The following SLC14A2 variants were observed in gnomAD, a reference collection of about 807,000 sequenced individuals.
SLC14A2 encodes solute carrier family 14 member 2.
Under a neutral mutation model 104.6 loss-of-function variants are expected in SLC14A2, and 91 were observed. The observed-to-expected ratio is 0.87, with a 90% confidence interval of 0.73 to 1.04. The LOEUF is 1.04. Ranked by LOEUF, SLC14A2 falls within the 50% of genes least tolerant of loss-of-function variation. The probability of loss-of-function intolerance (pLI) is 0.00; values close to 1 mark genes in which losing one functional copy is unlikely to be tolerated. For missense variants in SLC14A2, 1,189 were observed against 1,156.0 expected, an observed-to-expected ratio of 1.03 and a Z score of -0.41; for synonymous variants, 476 against 466.4, an observed-to-expected ratio of 1.02 and a Z score of -0.27.
intron 1 of SLC14A2, among the ~76,000 whole-genome samples, chr18:45,391,588 T>TTG (rs1357358876): frequency 6.6e-6 from 1 of 152,178 alleles, no homozygotes; most frequent in Non-Finnish European, 1.5e-5. Flanking sequence ...CCAGCACCTG[T>TTG]TGTTTCCTGA....
At chr18:45,334,396 A>G (rs563322619) in intron 1 of SLC14A2, among the ~76,000 whole-genome samples, 3 of 152,326 alleles carry the variant, frequency 2.0e-5, no homozygotes, top group South Asian at 2.1e-4. Flanking sequence ...TGACAGCCAC[A>G]TATATTCCTC....
the SLC14A2 span, among the ~76,000 whole-genome samples, chr18:45,173,456 A>G: frequency 1.3e-5 from 2 of 151,982 alleles, no homozygotes; most frequent in African/African-American, 2.4e-5. Context: ...AGATTGCCTG[A>G]AAATTTCTCT....
intron 19 of SLC14A2, 55 bp downstream of exon 19, chr18:45,679,079 G>A: frequency 1.3e-6 from 2 of 1,547,776 alleles, no homozygotes; most frequent in Non-Finnish European, 1.8e-6. Context: ...GTGTCCTCTT[G>A]GCTTCCCCAA....
chr18:45,668,430 C>G lies in SLC14A2; in HGVS notation c.1989C>G (p.Asp663Glu). 2 of 1,614,130 alleles carry G rather than the reference C, an allele frequency of 1.2e-6. No homozygotes were observed. The highest frequency in any genetic ancestry group is 1.7e-6 in the Non-Finnish European group (2 of 1,179,992). Reference sequence around the variant, plus strand: ...TGGCCGTGTTCTCAGACAAAGGTGACTACTACTGGTGGCTGTTGCTACCCG... The same window carrying G: ...TGGCCGTGTTCTCAGACAAAGGTGAGTACTACTGGTGGCTGTTGCTACCCG... ...LLMAVFSDKGDYYWWLLLPVI... is the reference protein window; with the variant it reads ...LLMAVFSDKGEYYWWLLLPVI... Residue 663 changes from aspartate (D) to glutamate (E), a missense_variant, in exon 15 of 20, where the codon GAC becomes GAG. By Grantham distance (45) the Asp-to-Glu change is conservative. Transcript: ENST00000255226.
chr18:45,497,385 C>G (rs2043116738), intron 2 of SLC14A2, among the ~76,000 whole-genome samples: 1 of 152,166 alleles, frequency 6.6e-6, no homozygotes. Context: ...CGTTTCTTAT[C>G]CTGTGTGGGG....
At position 45,529,139 on chromosome 18, in the gene SLC14A2, C is replaced by A. The variant is rs1182172966; in HGVS notation, c.-35+45817C>A. On this transcript the variant is annotated intron_variant, in intron 2 of 20. Coordinates refer to the SLC14A2 transcript ENST00000586448. ...GAGCCCTGCTCAAATTGCTGACTTG[C>A]AGAATCATGAGAAAAACGTAGTTTG... 3.3e-5 allele frequency: 5 copies of A among 152,310 alleles called. 1 individual carries two copies. In the East Asian group the frequency reaches 9.7e-4, roughly 29 times the overall value. The allele number at this position is 152,310 out of a possible 1,614,324, so 9.4% of individuals were successfully genotyped here. A position where few individuals can be genotyped will look rare whatever the true frequency, so the allele number is the denominator to read the frequency against.
At chr18:45,196,684 A>G in the SLC14A2 span, among the ~76,000 whole-genome samples, 1 of 152,200 alleles carries the variant, frequency 6.6e-6, no homozygotes, top group Admixed American at 6.5e-5. Context: ...AGGAAGCCCA[A>G]GCCAGAAGAG....
At chr18:45,640,490 C>T (rs552019519) in intron 7 of SLC14A2, among the ~76,000 whole-genome samples, 1 of 152,258 alleles carries the variant, frequency 6.6e-6, no homozygotes, top group Non-Finnish European at 1.5e-5. Flanking sequence ...TGCCACTTAA[C>T]AAATGTGCTT....
the SLC14A2 span, among the ~76,000 whole-genome samples, chr18:45,204,060 G>C: frequency 6.6e-6 from 1 of 152,142 alleles, no homozygotes; most frequent in Non-Finnish European, 1.5e-5. Flanking sequence ...TATGCACATA[G>C]AATATATGAT....
chr18:45,491,746 C>T (rs1249989377), intron 2 of SLC14A2, among the ~76,000 whole-genome samples: 2 of 152,174 alleles, frequency 1.3e-5, no homozygotes, highest in African/African-American at 4.8e-5. Context: ...TTGAAAATTA[C>T]TTGGCTGTGG....
chr18:45,581,309 G>C (rs2044488456), intron 2 of SLC14A2, among the ~76,000 whole-genome samples: 1 of 152,208 alleles, frequency 6.6e-6, no homozygotes, highest in Non-Finnish European at 1.5e-5. Flanking sequence ...GTGGGGGACA[G>C]ACAGAGAAGC....
intron 4 of SLC14A2, among the ~76,000 whole-genome samples, chr18:45,631,504 C>A (rs1046774155): frequency 1.3e-5 from 2 of 152,246 alleles, no homozygotes; most frequent in African/African-American, 4.8e-5. Flanking sequence ...TGCTTGGATA[C>A]TACCACACTT....
intron 1 of SLC14A2, among the ~76,000 whole-genome samples, chr18:45,465,727 G>C (rs150805226): frequency 6.6e-4 from 100 of 152,282 alleles, no homozygotes; most frequent in Non-Finnish European, 1.2e-3. Context: ...TTTCCTAGAG[G>C]TAGAGCAGCT....
At chr18:45,303,117 C>T (rs2084984354) in intron 1 of SLC14A2, among the ~76,000 whole-genome samples, 1 of 152,118 alleles carries the variant, frequency 6.6e-6, no homozygotes, top group African/African-American at 2.4e-5. Context: ...TTGGGCAGCC[C>T]CCATAATCAC....
At chr18:45,401,412 A>C (rs2086094766) in intron 1 of SLC14A2, among the ~76,000 whole-genome samples, 1 of 152,246 alleles carries the variant, frequency 6.6e-6, no homozygotes, top group Non-Finnish European at 1.5e-5. Context: ...GATAACATAG[A>C]AAGTAGCCAA....
intron 1 of SLC14A2, among the ~76,000 whole-genome samples, chr18:45,329,435 C>T (rs2085268176): frequency 6.6e-6 from 1 of 152,178 alleles, no homozygotes; most frequent in African/African-American, 2.4e-5. Flanking sequence ...AATTTGCAGA[C>T]TACAACACCC....
At chr18:45,488,987 T>C (rs1424650385) in intron 2 of SLC14A2, among the ~76,000 whole-genome samples, 1 of 152,176 alleles carries the variant, frequency 6.6e-6, no homozygotes, top group African/African-American at 2.4e-5. Flanking sequence ...AAAGGACATA[T>C]TATTTTTGAA....
At chr18:45,582,285 C>G (rs1423089870) in intron 2 of SLC14A2, among the ~76,000 whole-genome samples, 1 of 152,056 alleles carries the variant, frequency 6.6e-6, no homozygotes, top group Non-Finnish European at 1.5e-5. Flanking sequence ...ATTGAGATGG[C>G]CTGTTACAAA....
intron 2 of SLC14A2, chr18:45,542,239 C>T (rs939996665): frequency 6.6e-6 from 1 of 151,684 alleles, no homozygotes; most frequent in African/African-American, 2.4e-5. Context: ...CTGAGAACTG[C>T]TATGAGTGCC....
Sources: gnomAD v4.1 joint callset for allele counts (sites outside exome capture counted in the v4.1 genomes callset) on GRCh38, gnomAD v4.1.1 for gene constraint, MANE v1.5 for transcripts, NCBI Gene and HGNC (gene_info 2026-07-23, HGNC 2026-07-21) for gene names.